The following DNAH14 variants were observed in gnomAD, a reference collection of about 807,000 sequenced individuals.
DNAH14 encodes the protein axonemal beta dynein heavy chain 14.
A neutral mutation model predicts 520.9 loss-of-function variants in DNAH14; 478 were observed. That is an observed-to-expected ratio of 0.92 (90% CI 0.85 to 0.99). The LOEUF is 0.99. Among genes scored for constraint, DNAH14 ranks in the 50% least tolerant of loss-of-function variants. The pLI is 0.00. For synonymous variants in DNAH14, 1,581 were observed against 1,757.2 expected, an observed-to-expected ratio of 0.90 and a Z score of 2.51; for missense variants, 4,831 against 5,234.5, an observed-to-expected ratio of 0.92 and a Z score of 2.38.
At chr1:225,213,620 C>T (rs2088806432) in intron 41 of DNAH14, among the ~76,000 whole-genome samples, 1 of 152,140 alleles carries the variant, frequency 6.6e-6, no homozygotes, top group Admixed American at 6.5e-5. Context: ...AGAGGTCCTT[C>T]ACATCCCTTG....
At chr1:225,076,858 A>G (rs991818903) in intron 17 of DNAH14, among the ~76,000 whole-genome samples, 3 of 151,818 alleles carry the variant, frequency 2.0e-5, no homozygotes, top group East Asian at 3.9e-4. Flanking sequence ...GGTTTGATAC[A>G]TAGGTATAAA....
intron 60 of DNAH14, 42 bp downstream of exon 60, chr1:225,308,452 G>C (rs918993215): frequency 6.7e-7 from 1 of 1,494,872 alleles, no homozygotes. Context: ...TTGGAGATTT[G>C]AAAAAGTATT....
chr1:225,116,384 G>T (rs949115793), intron 23 of DNAH14, among the ~76,000 whole-genome samples: 1 of 152,146 alleles, frequency 6.6e-6, no homozygotes, highest in Non-Finnish European at 1.5e-5. Context: ...TCAGTTAAAA[G>T]ACTAGAAATA....
intron 65 of DNAH14, among the ~76,000 whole-genome samples, chr1:225,332,830 C>CAAA (rs36110645): frequency 3.3e-5 from 3 of 90,826 alleles, no homozygotes; most frequent in East Asian, 3.0e-4. Context: ...CCTGTCTCTA[C>CAAA]AAAAAAAAAA....
At chr1:225,067,844 G>A (rs1307783249) in intron 17 of DNAH14, among the ~76,000 whole-genome samples, 1 of 152,028 alleles carries the variant, frequency 6.6e-6, no homozygotes, top group Non-Finnish European at 1.5e-5. Flanking sequence ...ATAGATGCTG[G>A]ATATTAGATC....
rs1043866077 is a variant in DNAH14 at position 225,082,622 on chromosome 1, T to C, written c.3210T>C (p.Ile1070=). ...VTEFKQELPI[I]IALGNPCLKP... ...AGTTTAAACAAGAGCTGCCTATCATTATAGCTCTGGGAAATCCCTGTCTCA... is the reference window on the plus strand; with the variant it reads ...AGTTTAAACAAGAGCTGCCTATCATCATAGCTCTGGGAAATCCCTGTCTCA... The change falls in exon 20 of 86, where the codon ATT becomes ATC. Residue 1070 remains isoleucine (I), a synonymous_variant. Coordinates refer to ENST00000682510, the MANE Select transcript of DNAH14 (RefSeq NM_001367479.1). The C allele has an allele frequency of 6.4e-7, 1 of 1,551,646 alleles. No homozygotes were observed. The highest frequency in any genetic ancestry group is 1.2e-5 in the South Asian group (1 of 84,060).
At chr1:225,325,065 A>T (rs904865115) in intron 64 of DNAH14, among the ~76,000 whole-genome samples, 1 of 151,898 alleles carries the variant, frequency 6.6e-6, no homozygotes, top group South Asian at 2.1e-4. Flanking sequence ...TATTGTCTTT[A>T]TAATATTTTA....
chr1:225,158,655 G>GT (rs1480971937), intron 34 of DNAH14, among the ~76,000 whole-genome samples: 7 of 152,164 alleles, frequency 4.6e-5, no homozygotes, highest in Non-Finnish European at 8.8e-5. Flanking sequence ...AAACTCTCTT[G>GT]TAACTGTGGC....
chr1:225,107,761 A>G (rs1469050463), intron 23 of DNAH14, among the ~76,000 whole-genome samples: 1 of 152,178 alleles, frequency 6.6e-6, no homozygotes, highest in Admixed American at 6.5e-5. Flanking sequence ...TCCCACAAAC[A>G]GTGTACAAGG....
At chr1:225,140,682 C>T in intron 27 of DNAH14, 86 bp from the exon 28 acceptor site, 2 of 1,077,472 alleles carry the variant, frequency 1.9e-6, no homozygotes, top group Non-Finnish European at 2.6e-6. Flanking sequence ...TTTATGAAAA[C>T]ATCCATTTTA....
intron 23 of DNAH14, among the ~76,000 whole-genome samples, chr1:225,103,463 C>G (rs1339514772): frequency 1.3e-5 from 2 of 152,098 alleles, no homozygotes; most frequent in Non-Finnish European, 2.9e-5. Context: ...GGCATTGAAT[C>G]TATAAATTAC....
chr1:225,211,786 A>G (rs2149453463), intron 41 of DNAH14, among the ~76,000 whole-genome samples: 1 of 152,288 alleles, frequency 6.6e-6, no homozygotes, highest in East Asian at 1.9e-4. Context: ...TCAGACTAAC[A>G]GTATATCTCT....
At chr1:225,384,464 A>C (rs12066771) in intron 81 of DNAH14, among the ~76,000 whole-genome samples, 14,285 of 152,256 alleles carry the variant, frequency 0.094, 886 homozygotes, top group South Asian at 0.26. Context: ...AGATCAACAA[A>C]ATTGATAGAC....
intron 23 of DNAH14, among the ~76,000 whole-genome samples, chr1:225,103,707 A>T (rs1471631893): frequency 6.6e-6 from 1 of 152,162 alleles, no homozygotes; most frequent in African/African-American, 2.4e-5. Context: ...TCATTGGTGT[A>T]TAAGAACGCT....
chr1:224,942,079 A>C (rs1046047900), intron 1 of DNAH14, among the ~76,000 whole-genome samples: 7 of 152,162 alleles, frequency 4.6e-5, no homozygotes, highest in African/African-American at 1.7e-4. Context: ...ATGGCATTGA[A>C]TCTATAAATT....
intron 17 of DNAH14, among the ~76,000 whole-genome samples, chr1:225,070,881 A>T (rs1171603668): frequency 6.6e-6 from 1 of 152,174 alleles, no homozygotes; most frequent in East Asian, 1.9e-4. Flanking sequence ...GGGTGCACAT[A>T]TATTTAGGAT....
chr1:224,967,302 T>A, intron 5 of DNAH14, 129 bp from the exon 6 acceptor site: 1 of 507,762 alleles, frequency 2.0e-6, no homozygotes, highest in African/African-American at 2.0e-5. Context: ...TCTCCAAATA[T>A]AGTATTCTTA....
At chr1:225,056,692 T>C (rs1006182517) in intron 17 of DNAH14, among the ~76,000 whole-genome samples, 3 of 152,308 alleles carry the variant, frequency 2.0e-5, no homozygotes, top group African/African-American at 7.2e-5. Context: ...TAATCCATCT[T>C]GAATTAATTT....
chr1:225,177,900 C>T (rs1385734335), intron 36 of DNAH14, among the ~76,000 whole-genome samples: 2 of 152,114 alleles, frequency 1.3e-5, no homozygotes, highest in African/African-American at 4.8e-5. Flanking sequence ...AAGAGGGCCA[C>T]CATCCTCCAG....
Sources: gnomAD v4.1 joint callset for allele counts (sites outside exome capture counted in the v4.1 genomes callset) on GRCh38, gnomAD v4.1.1 for gene constraint, MANE v1.5 for transcripts, NCBI Gene and HGNC (gene_info 2026-07-23, HGNC 2026-07-21) for gene names.